ASXL3: variants seen among roughly 807,000 people sequenced by gnomAD.
ASXL3 encodes the protein ASXL transcriptional regulator 3.
ASXL3 carries 34 observed loss-of-function variants against 170.6 expected under a neutral mutation model. The observed-to-expected ratio is 0.20, with a 90% CI of 0.15 to 0.27. The LOEUF is 0.27. Among genes scored for constraint, ASXL3 ranks in the 10% least tolerant of loss-of-function variants. The probability of loss-of-function intolerance (pLI) is 1.00; values close to 1 mark genes in which losing one functional copy is unlikely to be tolerated. For missense variants in ASXL3, 2,592 were observed against 2,695.3 expected, an observed-to-expected ratio of 0.96 and a Z score of 0.85; for synonymous variants, 1,002 against 989.1, an observed-to-expected ratio of 1.01 and a Z score of -0.24.
At chr18:33,624,829 G>A (rs1026557039) in intron 2 of ASXL3, among the ~76,000 whole-genome samples, 4 of 152,040 alleles carry the variant, frequency 2.6e-5, no homozygotes, top group African/African-American at 7.2e-5. Flanking sequence ...TTATTTGTGC[G>A]CTTCTGTCTT....
At chr18:33,682,042 A>T (rs561609208) in intron 7 of ASXL3, among the ~76,000 whole-genome samples, 15 of 152,274 alleles carry the variant, frequency 9.9e-5, no homozygotes, top group East Asian at 7.7e-4. Flanking sequence ...TTTCATAATT[A>T]AAAAAAGTCA....
At chr18:33,593,186 G>C (rs1163446836) in intron 1 of ASXL3, among the ~76,000 whole-genome samples, 1 of 151,532 alleles carries the variant, frequency 6.6e-6, no homozygotes, top group Non-Finnish European at 1.5e-5. Flanking sequence ...ACTGAGAAGG[G>C]GAAAGCAGAC....
chr18:33,619,595 G>A (rs1326105514), intron 2 of ASXL3, among the ~76,000 whole-genome samples: 4 of 151,956 alleles, frequency 2.6e-5, no homozygotes, highest in East Asian at 1.9e-4. Context: ...ATGTAACTTC[G>A]TACTGTTTGT....
intron 7 of ASXL3, among the ~76,000 whole-genome samples, chr18:33,677,864 C>A (rs1161489208): frequency 1.3e-5 from 2 of 151,966 alleles, no homozygotes; most frequent in Non-Finnish European, 2.9e-5. Flanking sequence ...TCTTTGAAAG[C>A]CGATTTTTCT....
intron 8 of ASXL3, among the ~76,000 whole-genome samples, chr18:33,717,849 G>T (rs756067621): frequency 9.2e-5 from 14 of 152,176 alleles, no homozygotes; most frequent in Non-Finnish European, 7.4e-5. Context: ...CCGTTTTCTG[G>T]TTTGTGCACA....
At chr18:33,636,367 AACAGCC>A (rs1484138897) in intron 2 of ASXL3, among the ~76,000 whole-genome samples, 1 of 141,284 alleles carries the variant, frequency 7.1e-6, no homozygotes, top group Non-Finnish European at 1.5e-5. Flanking sequence ...CAGCCACAAC[AACAGCC>A]ACAGCCACAG....
rs1256856995 is a variant in ASXL3, at chr18:33,750,540, T to C, written c.*3945T>C. ...TATGATACATATTTTCAGTAGTTTT[T>C]TTTTTTTAATGTGTGTTCGTTTGTA... On this transcript the variant is annotated 3_prime_UTR_variant, in exon 12 of 12. Coordinates refer to ENST00000269197, the MANE Select transcript of ASXL3 (RefSeq NM_030632.3). 5 of 147,502 alleles carry C rather than the reference T, an allele frequency of 3.4e-5. No homozygotes were observed. The highest frequency in any genetic ancestry group is 1.3e-4 in the African/African-American group (5 of 39,502). The allele number at this position is 147,502 out of a possible 1,614,324, so 9.1% of individuals were successfully genotyped here.
chr18:33,713,925 G>A (rs2145356391), intron 8 of ASXL3, among the ~76,000 whole-genome samples: 1 of 152,306 alleles, frequency 6.6e-6, no homozygotes, highest in African/African-American at 2.4e-5. Context: ...TAAAACCCAT[G>A]CAAAACTTCA....
chr18:33,589,955 G>A (rs1361312281), intron 1 of ASXL3, among the ~76,000 whole-genome samples: 2 of 151,996 alleles, frequency 1.3e-5, no homozygotes, highest in Admixed American at 1.3e-4. Flanking sequence ...GATTTAGAGT[G>A]TGTATTAGTT....
At chr18:33,724,416 C>A (rs543878645) in intron 8 of ASXL3, among the ~76,000 whole-genome samples, 1 of 152,116 alleles carries the variant, frequency 6.6e-6, no homozygotes, top group South Asian at 2.1e-4. Context: ...ATTTTCAGAT[C>A]TTAGAAACTT....
chr18:33,622,588 T>C (rs1388990010), intron 2 of ASXL3, among the ~76,000 whole-genome samples: 1 of 152,108 alleles, frequency 6.6e-6, no homozygotes, highest in Non-Finnish European at 1.5e-5. Context: ...TGAAGGTGGG[T>C]AGTCCTATGA....
At chr18:33,735,609 A>T (rs2067532230) in intron 10 of ASXL3, among the ~76,000 whole-genome samples, 1 of 152,144 alleles carries the variant, frequency 6.6e-6, no homozygotes, top group Admixed American at 6.5e-5. Flanking sequence ...TTTCCAGGTC[A>T]TGCTGATGCC....
chr18:33,668,636 C>A (rs1160500567), intron 5 of ASXL3, among the ~76,000 whole-genome samples: 1 of 151,938 alleles, frequency 6.6e-6, no homozygotes, highest in African/African-American at 2.4e-5. Context: ...CTTGACTATA[C>A]CTTGTCTTTT....
chr18:33,663,736 T>C (rs2066214592), intron 5 of ASXL3, among the ~76,000 whole-genome samples: 1 of 152,114 alleles, frequency 6.6e-6, no homozygotes, highest in Admixed American at 6.5e-5. Flanking sequence ...ATTGGAAATA[T>C]ATTTAGAAGA....
intron 2 of ASXL3, among the ~76,000 whole-genome samples, chr18:33,609,648 C>T (rs879389080): frequency 6.6e-6 from 1 of 151,946 alleles, no homozygotes; most frequent in Non-Finnish European, 1.5e-5. Context: ...AACATAACTC[C>T]CTAGTCCTCT....
chr18:33,620,167 C>T (rs1014174085), intron 2 of ASXL3, among the ~76,000 whole-genome samples: 2 of 152,076 alleles, frequency 1.3e-5, no homozygotes, highest in African/African-American at 4.8e-5. Flanking sequence ...CCAAGCAGGG[C>T]ATGTTTCAGG....
At chr18:33,699,423 T>C (rs369974871) in intron 8 of ASXL3, among the ~76,000 whole-genome samples, 56 of 152,296 alleles carry the variant, frequency 3.7e-4, no homozygotes, top group East Asian at 3.7e-3. Flanking sequence ...GGCACAGTAA[T>C]AAATTTGAAC....
chr18:33,663,357 C>G (rs867391994), intron 5 of ASXL3, among the ~76,000 whole-genome samples: 6 of 152,042 alleles, frequency 3.9e-5, no homozygotes, highest in Non-Finnish European at 7.4e-5. Flanking sequence ...ATGAAATCTT[C>G]CTGTATATGA....
At position 33,744,709 on chromosome 18, in the gene ASXL3, C is replaced by A; in HGVS notation, c.4861C>A (p.Leu1621Met). The A allele has an allele frequency of 2.5e-6, 4 of 1,612,666 alleles. No homozygotes were observed. Among genetic ancestry groups the A allele is most frequent in the Non-Finnish European group, 3.4e-6 (4 of 1,179,200 alleles). Residue 1621 changes from leucine (L) to methionine (M), a missense_variant, in exon 12 of 12, where the codon CTG (leucine) becomes ATG (methionine). Leu to Met is a conservative substitution (Grantham distance 15). Around this residue, in one of 4 missense-constraint regions of ASXL3, gnomAD observed 2,246 missense variants for 2,219.6 expected, o/e 1.01. Transcript: ENST00000269197. Reference protein sequence around the residue: ...DDGMRSTGQPLVTHSGSSKQK... With the variant: ...DDGMRSTGQPMVTHSGSSKQK... Reference sequence around the variant, plus strand: ...TGGGATGAGGAGCACAGGACAGCCTCTGGTTACTCACTCGGGTTCAAGTAA... The same window carrying A: ...TGGGATGAGGAGCACAGGACAGCCTATGGTTACTCACTCGGGTTCAAGTAA...
Sources: gnomAD v4.1 joint callset for allele counts (sites outside exome capture counted in the v4.1 genomes callset) on GRCh38, gnomAD v4.1.1 for gene constraint, gnomAD v4.1.1 regional missense constraint, MANE v1.5 for transcripts, NCBI Gene and HGNC (gene_info 2026-07-23, HGNC 2026-07-21) for gene names.